Variants in CSMD3 observed in about 807,000 individuals in gnomAD.
The protein encoded by CSMD3 is CUB and Sushi multiple domains 3, also known as CUB and sushi domain-containing protein 3.
A neutral mutation model predicts 435.2 loss-of-function variants in CSMD3; 177 were observed. The observed-to-expected ratio is 0.41, with a 90% CI of 0.36 to 0.46. The LOEUF (loss-of-function observed/expected upper bound fraction) is 0.46. Among genes scored for constraint, CSMD3 ranks in the 20% least tolerant of loss-of-function variants. The pLI, the probability that CSMD3 is intolerant of heterozygous loss-of-function variation, is 0.34. For synonymous variants in CSMD3, 1,656 were observed against 1,520.5 expected, an observed-to-expected ratio of 1.09 and a Z score of -2.07; for missense variants, 4,265 against 4,504.6, an observed-to-expected ratio of 0.95 and a Z score of 1.52.
intron 32 of CSMD3, among the ~76,000 whole-genome samples, chr8:112,463,702 C>G (rs1817674644): frequency 6.6e-6 from 1 of 152,136 alleles, no homozygotes; most frequent in African/African-American, 2.4e-5. Context: ...AATCACATAT[C>G]TTGATTCCAG....
chr8:113,423,581 TA>T (rs1341200290), intron 1 of CSMD3, among the ~76,000 whole-genome samples: 3 of 151,970 alleles, frequency 2.0e-5, no homozygotes, highest in Non-Finnish European at 4.4e-5. Flanking sequence ...TTGTCAAGTG[TA>T]AAAAGACCAC....
chr8:112,405,211 C>CAAAAA lies in CSMD3; in HGVS notation c.5809+1312_5809+1313insTTTTT, dbSNP rs1563904114. Among the ~76,000 whole-genome samples the CAAAAA allele has an allele frequency of 1.1e-4, 2 of 18,114 alleles. 1 individual carries two copies. The highest frequency in any genetic ancestry group is 1.6e-3 in the Admixed American group (2 of 1,222). 11.9% of individuals were successfully genotyped at this position (18,114 alleles called of 152,430 possible). On this transcript the variant is annotated intron_variant, in intron 35 of 70. Transcript: ENST00000297405. ...AAAAAAAAAAAAAAAAAAAAAAAAC[C>CAAAAA]CCCATATATATATATATATATATAT...
intron 13 of CSMD3, among the ~76,000 whole-genome samples, chr8:112,756,350 A>G (rs1397709155): frequency 6.6e-6 from 1 of 152,188 alleles, no homozygotes; most frequent in African/African-American, 2.4e-5. Flanking sequence ...ATGACAACTT[A>G]AAACTATCTT....
chr8:113,234,794 A>T (rs1209361198), intron 3 of CSMD3, among the ~76,000 whole-genome samples: 2 of 152,122 alleles, frequency 1.3e-5, no homozygotes, highest in East Asian at 1.9e-4. Context: ...CTATGGAATG[A>T]AAATGTTGAC....
intron 68 of CSMD3, among the ~76,000 whole-genome samples, chr8:112,233,299 C>T (rs145663836): frequency 2.6e-5 from 4 of 152,290 alleles, no homozygotes; most frequent in African/African-American, 9.6e-5. Context: ...CCATGCAAGT[C>T]TGACATTTCA....
intron 6 of CSMD3, among the ~76,000 whole-genome samples, chr8:112,984,189 T>G (rs1025790436): frequency 1.3e-5 from 2 of 151,864 alleles, no homozygotes; most frequent in Non-Finnish European, 1.5e-5. Context: ...AATTATATAT[T>G]TGGATATTTA....
At chr8:112,773,747 C>T (rs977774682) in intron 13 of CSMD3, among the ~76,000 whole-genome samples, 2 of 151,504 alleles carry the variant, frequency 1.3e-5, no homozygotes, top group Non-Finnish European at 2.9e-5. Context: ...GCAAATTAAC[C>T]GATAGTGAGA....
chr8:112,750,289 A>G (rs1181870591), intron 13 of CSMD3, among the ~76,000 whole-genome samples: 1 of 151,508 alleles, frequency 6.6e-6, no homozygotes, highest in Non-Finnish European at 1.5e-5. Flanking sequence ...TAAAATGTAT[A>G]ATTTTATAAC....
At chr8:113,420,130 C>G (rs1367329708) in intron 1 of CSMD3, among the ~76,000 whole-genome samples, 6 of 152,172 alleles carry the variant, frequency 3.9e-5, no homozygotes, top group African/African-American at 1.4e-4. Context: ...TAAAATAGCT[C>G]TCAACTTACA....
At chr8:113,202,183 T>G (rs2092722327) in intron 3 of CSMD3, among the ~76,000 whole-genome samples, 1 of 152,146 alleles carries the variant, frequency 6.6e-6, no homozygotes, top group African/African-American at 2.4e-5. Flanking sequence ...TGGCTGCAGT[T>G]TTTGCTTAAA....
rs370223853 is a variant in CSMD3, at chr8:112,521,619, A to C, written c.4565-4394T>G. Among the ~76,000 whole-genome samples, 43 of 151,886 alleles carry C rather than the reference A, an allele frequency of 2.8e-4. No homozygotes were observed. In the South Asian group the frequency reaches 8.7e-3, roughly 31 times the overall value. On this transcript the variant is annotated intron_variant, in intron 27 of 70. Transcript: ENST00000297405. The stretch of plus-strand genomic sequence containing the variant: ...CCCTTCTTTCCACAATTTCTCACTA[A>C]ATAACTTCATAAGTTTAAGTATTAT...
chr8:112,394,132 C>T (rs1002359609), intron 35 of CSMD3, among the ~76,000 whole-genome samples: 1 of 152,236 alleles, frequency 6.6e-6, no homozygotes, highest in African/African-American at 2.4e-5. Flanking sequence ...TTGTCACCAC[C>T]ATTCACTCAG....
intron 13 of CSMD3, among the ~76,000 whole-genome samples, chr8:112,762,814 ACAG>A (rs145988186): frequency 0.011 from 1,694 of 151,984 alleles, 33 homozygotes; most frequent in African/African-American, 0.039. Context: ...GAAAGACAAT[ACAG>A]CATGATATCA....
intron 20 of CSMD3, among the ~76,000 whole-genome samples, chr8:112,641,570 C>T (rs527957100): frequency 1.3e-5 from 2 of 152,218 alleles, no homozygotes; most frequent in South Asian, 4.1e-4. Context: ...GGTCTGGTGG[C>T]TCACACCTGT....
chr8:112,312,349 G>C (rs1320156823), intron 49 of CSMD3, among the ~76,000 whole-genome samples: 2 of 151,980 alleles, frequency 1.3e-5, no homozygotes, highest in Non-Finnish European at 2.9e-5. Context: ...CCACCTCCCG[G>C]GTTCAAGTGA....
intron 22 of CSMD3, among the ~76,000 whole-genome samples, chr8:112,636,538 TTCTATCTA>T (rs5894094): frequency 0.14 from 20,784 of 149,316 alleles, 1,645 homozygotes; most frequent in Middle Eastern, 0.27. Context: ...TCTATCATAT[TTCTATCTA>T]TCTATCTATC....
At chr8:112,807,177 G>A (rs1055720341) in intron 12 of CSMD3, among the ~76,000 whole-genome samples, 1 of 152,150 alleles carries the variant, frequency 6.6e-6, no homozygotes, top group African/African-American at 2.4e-5. Context: ...GAGCCAGCTG[G>A]AGGACCCTTG....
At chr8:112,616,416 G>T (rs1321487351) in intron 22 of CSMD3, among the ~76,000 whole-genome samples, 1 of 152,058 alleles carries the variant, frequency 6.6e-6, no homozygotes, top group Admixed American at 6.6e-5. Context: ...GAACTGCACA[G>T]CACTCCTACC....
At chr8:112,622,695 T>G (rs370027010) in intron 22 of CSMD3, among the ~76,000 whole-genome samples, 5 of 152,272 alleles carry the variant, frequency 3.3e-5, no homozygotes, top group African/African-American at 9.6e-5. Flanking sequence ...GCAATGAGTA[T>G]TGCGTTATCT....
Sources: allele counts gnomAD v4.1 joint callset (sites outside exome capture counted in the v4.1 genomes callset), GRCh38; gene constraint gnomAD v4.1.1; transcripts MANE v1.5; gene names NCBI Gene and HGNC (gene_info 2026-07-23, HGNC 2026-07-21).